PKNOX2: variants seen among roughly 807,000 people sequenced by gnomAD.
The protein encoded by PKNOX2 is homeobox protein PKNOX2.
A neutral mutation model predicts 53.1 loss-of-function variants in PKNOX2; 14 were observed. The ratio of observed to expected loss-of-function variants is 0.26; its 90% CI spans 0.17 to 0.41. The LOEUF is 0.41. PKNOX2 is among the 10% of genes least tolerant of loss of function. The pLI is 1.00. For synonymous variants in PKNOX2, 257 were observed against 242.8 expected (o/e 1.06, Z -0.54); for missense variants, 496 against 602.8 (o/e 0.82, Z 1.85).
At chr11:125,216,690 G>C (rs527578200) in intron 1 of PKNOX2, among the ~76,000 whole-genome samples, 56 of 152,290 alleles carry the variant, frequency 3.7e-4, no homozygotes, top group African/African-American at 1.3e-3. Flanking sequence ...ATTTGGGAAG[G>C]CCTGCCCAGG....
At chr11:125,260,193 G>C (rs541859704) in intron 2 of PKNOX2, among the ~76,000 whole-genome samples, 1 of 151,082 alleles carries the variant, frequency 6.6e-6, no homozygotes, top group South Asian at 2.1e-4. Context: ...TTTGTTTTAT[G>C]GTTTGTTTGT....
chr11:125,393,982 G>A (rs1419401804), intron 6 of PKNOX2, among the ~76,000 whole-genome samples: 2 of 151,944 alleles, frequency 1.3e-5, no homozygotes, highest in African/African-American at 4.8e-5. Flanking sequence ...CTCTAAGCAA[G>A]GAAACGTAAT....
At chr11:125,232,705 T>G (rs759025615) in intron 1 of PKNOX2, among the ~76,000 whole-genome samples, 1 of 152,234 alleles carries the variant, frequency 6.6e-6, no homozygotes, top group Non-Finnish European at 1.5e-5. Flanking sequence ...GAGGAGATCA[T>G]TCAACCCTCA....
intron 3 of PKNOX2, among the ~76,000 whole-genome samples, chr11:125,333,211 T>C (rs1158317270): frequency 6.6e-6 from 1 of 152,140 alleles, no homozygotes; most frequent in East Asian, 1.9e-4. Context: ...ACCTGGTGAA[T>C]CCGTGTGAAG....
chr11:125,296,749 C>T (rs1280237476), intron 2 of PKNOX2, among the ~76,000 whole-genome samples: 2 of 152,208 alleles, frequency 1.3e-5, no homozygotes, highest in Non-Finnish European at 2.9e-5. Flanking sequence ...GATTCTCCTG[C>T]TTCAGCCTCC....
intron 2 of PKNOX2, among the ~76,000 whole-genome samples, chr11:125,238,051 G>T (rs147839026): frequency 6.6e-6 from 1 of 152,192 alleles, no homozygotes. Context: ...GTCCTGAGGA[G>T]GCTGTGCCCT....
At chr11:125,267,320 G>A (rs559402427) in intron 2 of PKNOX2, among the ~76,000 whole-genome samples, 1 of 152,318 alleles carries the variant, frequency 6.6e-6, no homozygotes, top group East Asian at 1.9e-4. Flanking sequence ...TATCTGGAGT[G>A]AATGGAAGGG....
chr11:125,311,327 A>AT (rs1362920794), intron 2 of PKNOX2, among the ~76,000 whole-genome samples: 1 of 152,050 alleles, frequency 6.6e-6, no homozygotes. Context: ...CCCCACCAAT[A>AT]TTTTTTTGAT....
intron 2 of PKNOX2, among the ~76,000 whole-genome samples, chr11:125,305,556 G>A (rs181447340): frequency 2.2e-4 from 34 of 152,318 alleles, no homozygotes; most frequent in Admixed American, 2.0e-3. Flanking sequence ...CAGTGATCCG[G>A]CATAGCTGGA....
intron 2 of PKNOX2, among the ~76,000 whole-genome samples, chr11:125,253,687 T>C (rs1233374056): frequency 1.3e-5 from 2 of 152,198 alleles, no homozygotes; most frequent in African/African-American, 4.8e-5. Context: ...CACTCATCTC[T>C]ATCACTGGCA....
intron 2 of PKNOX2, among the ~76,000 whole-genome samples, chr11:125,329,739 G>C (rs147299997): frequency 4.3e-4 from 66 of 152,272 alleles, no homozygotes; most frequent in African/African-American, 1.5e-3. Context: ...ATATAGAATC[G>C]GGCATTGAGG....
At chr11:125,210,450 G>A (rs1939697558) in intron 1 of PKNOX2, among the ~76,000 whole-genome samples, 1 of 152,124 alleles carries the variant, frequency 6.6e-6, no homozygotes, top group African/African-American at 2.4e-5. Flanking sequence ...CCTCTGCTGT[G>A]GGCACAAATG....
In PKNOX2 at chr11:125,248,894, AAT is replaced by A. The variant is rs569934752; in HGVS notation, c.-130+13787_-130+13788del. 5.0e-3 allele frequency among the ~76,000 whole-genome samples: 598 copies of A among 120,626 alleles called. 4 individuals are homozygous for A. The highest frequency in any genetic ancestry group is 0.016 in the African/African-American group (561 of 34,614). The allele number at this position is 120,626 out of a possible 152,430, so 79.1% of individuals were successfully genotyped here. A position where few individuals can be genotyped will look rare whatever the true frequency, so the allele number is the denominator to read the frequency against. ...TATAACGTATATATATAACATATAT[AAT>A]ATATATAACGTATATATATAACATA... On this transcript the variant is annotated intron_variant, in intron 2 of 12. Transcript: ENST00000298282.
At chr11:125,379,343 G>A (rs996165269) in intron 5 of PKNOX2, among the ~76,000 whole-genome samples, 15 of 152,232 alleles carry the variant, frequency 9.9e-5, no homozygotes, top group African/African-American at 2.6e-4. Context: ...GATTACAGGC[G>A]TGAGCCACCA....
chr11:125,400,473 TG>T (rs1161371087), intron 7 of PKNOX2, among the ~76,000 whole-genome samples: 1 of 152,184 alleles, frequency 6.6e-6, no homozygotes, highest in Non-Finnish European at 1.5e-5. Flanking sequence ...GCCATGCCCC[TG>T]GGGGTGGAAG....
intron 2 of PKNOX2, among the ~76,000 whole-genome samples, chr11:125,289,976 TA>T (rs891509696): frequency 6.6e-6 from 1 of 151,936 alleles, no homozygotes; most frequent in Non-Finnish European, 1.5e-5. Context: ...CTATTTCATC[TA>T]AAAAAAATAA....
intron 1 of PKNOX2, among the ~76,000 whole-genome samples, chr11:125,194,435 A>G (rs1957064696): frequency 6.6e-6 from 1 of 152,138 alleles, no homozygotes; most frequent in Non-Finnish European, 1.5e-5. Context: ...ATTCACAGGC[A>G]AGGAGGTTTG....
chr11:125,409,735 C>T (rs918802515), intron 7 of PKNOX2, among the ~76,000 whole-genome samples: 1 of 152,078 alleles, frequency 6.6e-6, no homozygotes, highest in African/African-American at 2.4e-5. Context: ...AAGCCATTTT[C>T]TCAGACCCGG....
intron 7 of PKNOX2, among the ~76,000 whole-genome samples, chr11:125,400,470 C>A (rs1954679600): frequency 6.6e-6 from 1 of 152,150 alleles, no homozygotes; most frequent in Admixed American, 6.5e-5. Flanking sequence ...CTTGCCATGC[C>A]CCTGGGGGTG....
Sources: allele counts gnomAD v4.1 joint callset (sites outside exome capture counted in the v4.1 genomes callset), GRCh38; gene constraint gnomAD v4.1.1; transcripts MANE v1.5; gene names NCBI Gene and HGNC (gene_info 2026-07-23, HGNC 2026-07-21).